RBPJ: variants seen among roughly 807,000 people sequenced by gnomAD.
RBPJ encodes the protein recombination signal binding protein for immunoglobulin kappa J region, also known as recombining binding protein suppressor of hairless.
A neutral mutation model predicts 67.8 loss-of-function variants in RBPJ; 9 were observed. The ratio of observed to expected loss-of-function variants is 0.13; its 90% CI spans 0.08 to 0.23. The LOEUF (loss-of-function observed/expected upper bound fraction) is 0.23. Ranked by LOEUF, RBPJ falls within the 10% of genes least tolerant of loss-of-function variation. The pLI is 1.00. For synonymous variants in RBPJ, 198 were observed against 203.3 expected, an observed-to-expected ratio of 0.97 and a Z score of 0.22; for missense variants, 305 against 595.6, an observed-to-expected ratio of 0.51 and a Z score of 5.08.
the RBPJ span, among the ~76,000 whole-genome samples, chr4:26,141,069 C>T: frequency 6.6e-6 from 1 of 152,122 alleles, no homozygotes; most frequent in Non-Finnish European, 1.5e-5. Context: ...TTGTGTGACC[C>T]AGGGCAACTC....
intron 1 of RBPJ, among the ~76,000 whole-genome samples, chr4:26,174,456 G>A (rs1362607830): frequency 6.6e-6 from 1 of 152,076 alleles, no homozygotes. Flanking sequence ...ATACACAGAT[G>A]AGCATTTTTA....
the RBPJ span, among the ~76,000 whole-genome samples, chr4:26,145,939 T>G: frequency 8.5e-4 from 130 of 152,216 alleles, no homozygotes; most frequent in African/African-American, 3.0e-3. Context: ...ATTTTTTGTT[T>G]GTTTGTTTGT....
chr4:26,419,538 G>A (rs1734919556), intron 4 of RBPJ, among the ~76,000 whole-genome samples: 1 of 152,164 alleles, frequency 6.6e-6, no homozygotes, highest in South Asian at 2.1e-4. Context: ...TTCCTGAGTA[G>A]CATTTGCTCT....
intron 1 of RBPJ, among the ~76,000 whole-genome samples, chr4:26,371,506 C>T (rs1469886863): frequency 1.4e-5 from 2 of 145,466 alleles, no homozygotes; most frequent in African/African-American, 5.2e-5. Flanking sequence ...TGTGCATTTC[C>T]AGTTTATTGT....
intron 1 of RBPJ, among the ~76,000 whole-genome samples, chr4:26,250,251 T>C (rs559415558): frequency 7.9e-5 from 12 of 152,138 alleles, no homozygotes; most frequent in Admixed American, 2.0e-4. Flanking sequence ...ACATTTGCCC[T>C]TTTGTCTCTG....
At chr4:26,429,250 G>A (rs1355216104) in intron 8 of RBPJ, among the ~76,000 whole-genome samples, 2 of 152,200 alleles carry the variant, frequency 1.3e-5, no homozygotes, top group Admixed American at 6.5e-5. Context: ...GATTTATGTC[G>A]TGGTTTCCGA....
chr4:26,292,454 T>C (rs1359170286), intron 1 of RBPJ, among the ~76,000 whole-genome samples: 1 of 150,400 alleles, frequency 6.6e-6, no homozygotes, highest in Non-Finnish European at 1.5e-5. Context: ...GGAGTCTAGC[T>C]CTGTTGCCCA....
At chr4:26,143,097 T>TA in the RBPJ span, among the ~76,000 whole-genome samples, 1 of 152,204 alleles carries the variant, frequency 6.6e-6, no homozygotes, top group Non-Finnish European at 1.5e-5. Context: ...CCTCAAACCT[T>TA]ACACTGAAAT....
intron 1 of RBPJ, among the ~76,000 whole-genome samples, chr4:26,255,403 CAAAA>C (rs766336628): frequency 3.5e-4 from 12 of 34,540 alleles, no homozygotes; most frequent in African/African-American, 1.4e-3. Flanking sequence ...GACTCCGTCT[CAAAA>C]AAAAAAAAAA....
At chr4:26,403,233 T>C (rs1470606323) in intron 2 of RBPJ, among the ~76,000 whole-genome samples, 1 of 11,602 alleles carries the variant, frequency 8.6e-5, no homozygotes, top group South Asian at 1.7e-3. Context: ...AAGGGATGGA[T>C]TTTTTTTTTT....
At chr4:26,214,200 G>A (rs78399122) in intron 1 of RBPJ, among the ~76,000 whole-genome samples, 191 of 146,346 alleles carry the variant, frequency 1.3e-3, no homozygotes, top group African/African-American at 4.6e-3. Flanking sequence ...AGAAAAGGAA[G>A]GAAGGAGAGA....
intron 1 of RBPJ, among the ~76,000 whole-genome samples, chr4:26,346,934 G>A (rs1478337821): frequency 6.6e-6 from 1 of 152,060 alleles, no homozygotes; most frequent in Non-Finnish European, 1.5e-5. Context: ...GGAGGTTGCA[G>A]TGAGCCGAGA....
the RBPJ span, chr4:26,113,433 T>C: frequency 1.8e-6 from 1 of 545,902 alleles, no homozygotes; most frequent in Non-Finnish European, 3.6e-6. Flanking sequence ...GGAAAAGCCT[T>C]TTGCCAGAAA....
intron 3 of RBPJ, 140 bp from the exon 4 acceptor site, chr4:26,415,335 G>A: frequency 4.4e-6 from 3 of 686,950 alleles, no homozygotes; most frequent in Non-Finnish European, 7.2e-6. Context: ...CATTACAAAA[G>A]GCTTCACCAA....
At chr4:26,434,958 C>T (rs1736540459), downstream of RBPJ, 1 of 152,158 alleles carries the variant, frequency 6.6e-6, no homozygotes, top group Admixed American at 6.5e-5. Context: ...CATGTATTAT[C>T]GTCTTTTATT....
intron 2 of RBPJ, among the ~76,000 whole-genome samples, chr4:26,403,232 A>T (rs952234882): frequency 2.8e-5 from 4 of 145,292 alleles, no homozygotes; most frequent in Non-Finnish European, 6.0e-5. Context: ...AAAGGGATGG[A>T]TTTTTTTTTT....
the RBPJ span, among the ~76,000 whole-genome samples, chr4:26,123,672 T>C: frequency 6.6e-6 from 1 of 152,238 alleles, no homozygotes; most frequent in Non-Finnish European, 1.5e-5. Context: ...TATACCCTTA[T>C]TCTATAAGCT....
intron 1 of RBPJ, among the ~76,000 whole-genome samples, chr4:26,248,158 G>A (rs925474341): frequency 6.6e-6 from 1 of 152,056 alleles, no homozygotes; most frequent in African/African-American, 2.4e-5. Context: ...AGGTGTGGTG[G>A]CACACACCTG....
chr4:26,177,872 A>G (rs1234246431), intron 1 of RBPJ, among the ~76,000 whole-genome samples: 3 of 152,254 alleles, frequency 2.0e-5, no homozygotes, highest in African/African-American at 7.2e-5. Flanking sequence ...GTCTCTGCAC[A>G]TGTAATAAAC....
Sources: allele counts gnomAD v4.1 joint callset (sites outside exome capture counted in the v4.1 genomes callset), GRCh38; gene constraint gnomAD v4.1.1; transcripts MANE v1.5; gene names NCBI Gene and HGNC (gene_info 2026-07-23, HGNC 2026-07-21).